CREB5: variants seen among roughly 807,000 people sequenced by gnomAD.
The protein encoded by CREB5 is cyclic AMP-responsive element-binding protein 5.
Under a neutral mutation model 57.1 loss-of-function variants are expected in CREB5, and 19 were observed. The ratio of observed to expected loss-of-function variants is 0.33; its 90% CI spans 0.23 to 0.49. CREB5 has a LOEUF of 0.49. CREB5 is among the 20% of genes least tolerant of loss of function. The probability of loss-of-function intolerance (pLI) is 0.99; values close to 1 mark genes in which losing one functional copy is unlikely to be tolerated. For synonymous variants in CREB5, 238 were observed against 238.3 expected (o/e 1.00, Z 0.01); for missense variants, 579 against 671.6 (o/e 0.86, Z 1.52).
chr7:28,694,711 A>G (rs534872379), intron 5 of CREB5, among the ~76,000 whole-genome samples: 6 of 152,120 alleles, frequency 3.9e-5, no homozygotes, highest in Non-Finnish European at 8.8e-5. Flanking sequence ...CACATTGGCT[A>G]TGTTTTTAAT....
chr7:28,307,917 G>A (rs1327726108), intron 1 of CREB5, among the ~76,000 whole-genome samples: 4 of 152,216 alleles, frequency 2.6e-5, no homozygotes, highest in African/African-American at 9.7e-5. Flanking sequence ...TTCCTTAAAC[G>A]GAGCCCCTAA....
At chr7:28,548,416 T>G (rs1409012793) in intron 4 of CREB5, among the ~76,000 whole-genome samples, 1 of 152,154 alleles carries the variant, frequency 6.6e-6, no homozygotes, top group Non-Finnish European at 1.5e-5. Flanking sequence ...TGTTAAACTG[T>G]CTCAGGCTTA....
In CREB5 at chr7:28,406,680, T is replaced by C. The variant is rs1055226625; in HGVS notation, c.-24-88226T>C. Among the ~76,000 whole-genome samples the C allele has an allele frequency of 3.3e-5, 5 of 152,322 alleles. No individual in the cohort carries two copies. In the East Asian group the frequency reaches 9.7e-4, roughly 29 times the overall value. ...TGGCCACCGCCAGTGGAGGCACCCTTAGAGATGCTCTTGCATAGCTGCTCT... is the reference window on the plus strand; with the variant it reads ...TGGCCACCGCCAGTGGAGGCACCCTCAGAGATGCTCTTGCATAGCTGCTCT... On this transcript the variant is annotated intron_variant, in intron 1 of 9. Coordinates refer to the CREB5 transcript ENST00000396299.
At chr7:28,311,427 T>A (rs1225279235) in intron 1 of CREB5, among the ~76,000 whole-genome samples, 3 of 152,206 alleles carry the variant, frequency 2.0e-5, no homozygotes, top group Non-Finnish European at 2.9e-5. Context: ...GGGCAGTGCT[T>A]TGAAAACATA....
intron 4 of CREB5, among the ~76,000 whole-genome samples, chr7:28,550,627 C>T (rs1378253788): frequency 1.3e-5 from 2 of 152,196 alleles, no homozygotes; most frequent in Non-Finnish European, 2.9e-5. Context: ...TCTCCGCCTC[C>T]CACCTATAAA....
intron 9 of CREB5, among the ~76,000 whole-genome samples, chr7:28,814,660 T>C (rs1159644324): frequency 6.6e-6 from 1 of 151,674 alleles, no homozygotes; most frequent in Non-Finnish European, 1.5e-5. Flanking sequence ...GCTTGTAGAA[T>C]AAAAAAAAAT....
At chr7:28,622,070 G>T (rs955731472) in intron 5 of CREB5, among the ~76,000 whole-genome samples, 1 of 152,154 alleles carries the variant, frequency 6.6e-6, no homozygotes, top group Non-Finnish European at 1.5e-5. Context: ...TTAACACTGT[G>T]ATATGAAGTC....
At chr7:28,639,606 G>C (rs1487276349) in intron 5 of CREB5, among the ~76,000 whole-genome samples, 1 of 152,132 alleles carries the variant, frequency 6.6e-6, no homozygotes, top group Admixed American at 6.5e-5. Flanking sequence ...ACTGGAACTT[G>C]AGTAGTGCAG....
chr7:28,334,451 C>T (rs952470834), intron 1 of CREB5, among the ~76,000 whole-genome samples: 1 of 152,138 alleles, frequency 6.6e-6, no homozygotes, highest in Non-Finnish European at 1.5e-5. Context: ...GCCACCATGC[C>T]CAGCTAACCA....
rs1242985320 is a variant in CREB5, at chr7:28,673,645, T to TTC, written c.465-45096_465-45095dup. 1.4e-3 allele frequency among the ~76,000 whole-genome samples: 202 copies of TTC among 146,330 alleles called. 2 individuals are homozygous for TTC. The highest frequency in any genetic ancestry group is 4.2e-3 in the African/African-American group (164 of 39,270). ...AGCAGAGCCCGTGTTGACATGAAGT[T>TTC]TCTCTCTCTCTCTTTTTTTTTTTTT... On this transcript the variant is annotated intron_variant, in intron 5 of 10. Transcript: ENST00000357727.
chr7:28,411,049 G>T (rs1276780305), upstream of CREB5, among the ~76,000 whole-genome samples: 1 of 152,140 alleles, frequency 6.6e-6, no homozygotes, highest in Non-Finnish European at 1.5e-5. Flanking sequence ...GGTCTGAGGG[G>T]ACCACTGTAC....
At chr7:28,691,225 G>A (rs1801238092) in intron 5 of CREB5, among the ~76,000 whole-genome samples, 1 of 152,080 alleles carries the variant, frequency 6.6e-6, no homozygotes, top group South Asian at 2.1e-4. Context: ...TTCAAGAGCA[G>A]CCTGGCCAAC....
chr7:28,578,556 G>A (rs992689249), intron 5 of CREB5, among the ~76,000 whole-genome samples: 6 of 152,126 alleles, frequency 3.9e-5, no homozygotes, highest in Non-Finnish European at 5.9e-5. Context: ...GTAATAGGGC[G>A]GTGTCCCTGC....
At chr7:28,344,341 G>A (rs913295052) in intron 1 of CREB5, among the ~76,000 whole-genome samples, 8 of 152,058 alleles carry the variant, frequency 5.3e-5, no homozygotes, top group African/African-American at 1.7e-4. Flanking sequence ...TGAGAAATTC[G>A]GGTCTAGTTT....
intron 7 of CREB5, among the ~76,000 whole-genome samples, chr7:28,738,576 C>T (rs968934340): frequency 5.3e-5 from 8 of 152,150 alleles, no homozygotes; most frequent in African/African-American, 1.4e-4. Flanking sequence ...TATCTCACTC[C>T]GTCATTGCAG....
intron 5 of CREB5, among the ~76,000 whole-genome samples, chr7:28,673,037 G>A (rs948276353): frequency 2.0e-5 from 3 of 152,144 alleles, no homozygotes; most frequent in African/African-American, 7.2e-5. Context: ...CTAAGTCAGT[G>A]TAGGCCATCT....
intron 7 of CREB5, among the ~76,000 whole-genome samples, chr7:28,795,882 T>C (rs1808011324): frequency 6.6e-6 from 1 of 151,740 alleles, no homozygotes; most frequent in South Asian, 2.1e-4. Context: ...GCCTCCCAAG[T>C]AGCTGGGATT....
At chr7:28,778,351 C>T (rs959364459) in intron 7 of CREB5, among the ~76,000 whole-genome samples, 1 of 152,212 alleles carries the variant, frequency 6.6e-6, no homozygotes, top group African/African-American at 2.4e-5. Context: ...CCAGGTAACA[C>T]TTCAAGGACG....
intron 1 of CREB5, among the ~76,000 whole-genome samples, chr7:28,404,654 A>T (rs1583423650): frequency 6.6e-6 from 1 of 152,224 alleles, no homozygotes; most frequent in Non-Finnish European, 1.5e-5. Flanking sequence ...ATATGGGACC[A>T]TTCTGAGCAT....
Sources: allele counts gnomAD v4.1 joint callset (sites outside exome capture counted in the v4.1 genomes callset), GRCh38; gene constraint gnomAD v4.1.1; transcripts MANE v1.5; gene names NCBI Gene and HGNC (gene_info 2026-07-23, HGNC 2026-07-21).